The following UBE2E2 variants were observed in gnomAD, a reference collection of about 807,000 sequenced individuals.
UBE2E2 encodes the protein ubiquitin conjugating enzyme E2 E2, also known as ubiquitin-conjugating enzyme E2 E2.
A neutral mutation model predicts 24.7 loss-of-function variants in UBE2E2; 6 were observed. The ratio of observed to expected loss-of-function variants is 0.24; its 90% confidence interval spans 0.13 to 0.48. The LOEUF (loss-of-function observed/expected upper bound fraction) is 0.48, where lower values mean the gene tolerates loss of function less well. Among genes scored for constraint, UBE2E2 ranks in the 20% least tolerant of loss-of-function variants. UBE2E2 has a pLI of 0.99. For synonymous variants in UBE2E2, 104 were observed against 83.6 expected (o/e 1.24, Z -1.33); for missense variants, 169 against 245.0 (o/e 0.69, Z 2.07).
chr3:23,372,802 T>C (rs1281795254), intron 3 of UBE2E2, among the ~76,000 whole-genome samples: 1 of 152,238 alleles, frequency 6.6e-6, no homozygotes, highest in African/African-American at 2.4e-5. Flanking sequence ...AGATATGGAT[T>C]AATTATACAT....
At chr3:23,536,802 G>GT (rs1192024957) in intron 5 of UBE2E2, among the ~76,000 whole-genome samples, 10 of 152,094 alleles carry the variant, frequency 6.6e-5, no homozygotes, top group African/African-American at 2.2e-4. Flanking sequence ...ATACACATGG[G>GT]TGCTCATTAT....
chr3:23,208,768 A>G lies in UBE2E2; in HGVS notation c.69A>G (p.Gln23=), dbSNP rs200848179. 44 of 1,613,872 alleles carry G rather than the reference A, an allele frequency of 2.7e-5. No homozygotes were observed. The Admixed American group carries it at 3.5e-4, about 13-fold the overall frequency. Reference sequence around the variant, plus strand: ...GTGGAGGAAGTTCCGATGGAGATCAACGTGAAAGTGTTCAGCAAGAACCAG... The same window carrying G: ...GTGGAGGAAGTTCCGATGGAGATCAGCGTGAAAGTGTTCAGCAAGAACCAG... ...STSGGSSDGD[Q]RESVQQEPER... Residue 23 remains glutamine (Q), a synonymous_variant, in exon 2 of 6, where the codon CAA becomes CAG. Transcript: ENST00000396703.
At chr3:23,246,837 T>C (rs985110879) in intron 3 of UBE2E2, among the ~76,000 whole-genome samples, 2 of 152,228 alleles carry the variant, frequency 1.3e-5, no homozygotes, top group African/African-American at 2.4e-5. Context: ...ATATAGTAGG[T>C]ATTTGGTTAT....
chr3:23,225,039 A>G (rs1050218595), intron 3 of UBE2E2, among the ~76,000 whole-genome samples: 1 of 150,674 alleles, frequency 6.6e-6, no homozygotes, highest in Non-Finnish European at 1.5e-5. Context: ...CATTATTCTG[A>G]TGGATGATGG....
At chr3:23,323,064 A>G (rs947754761) in intron 3 of UBE2E2, among the ~76,000 whole-genome samples, 8 of 152,072 alleles carry the variant, frequency 5.3e-5, no homozygotes, top group Non-Finnish European at 1.0e-4. Flanking sequence ...TTTTGAATCC[A>G]TGAATTAGGA....
chr3:23,508,925 A>T (rs554599826), intron 4 of UBE2E2, among the ~76,000 whole-genome samples: 1 of 152,306 alleles, frequency 6.6e-6, no homozygotes, highest in African/African-American at 2.4e-5. Flanking sequence ...AAAAGGTTCA[A>T]CTCACTTACC....
intron 2 of UBE2E2, among the ~76,000 whole-genome samples, chr3:23,209,464 G>A (rs1432423296): frequency 6.6e-6 from 1 of 152,170 alleles, no homozygotes; most frequent in Non-Finnish European, 1.5e-5. Context: ...CATGTCACTG[G>A]ACTTAAAGGG....
chr3:23,343,317 T>C (rs35657558), intron 3 of UBE2E2, among the ~76,000 whole-genome samples: 11,106 of 151,974 alleles, frequency 0.073, 519 homozygotes, highest in Non-Finnish European at 0.088. Context: ...GGCTCACGCG[T>C]GTAATCCCAG....
chr3:23,422,676 T>C (rs1408789592), intron 3 of UBE2E2, among the ~76,000 whole-genome samples: 2 of 152,242 alleles, frequency 1.3e-5, no homozygotes, highest in Admixed American at 1.3e-4. Flanking sequence ...TGACTTGTTC[T>C]ATTTCCAGAA....
chr3:23,353,025 G>C (rs1695808756), intron 3 of UBE2E2, among the ~76,000 whole-genome samples: 1 of 152,138 alleles, frequency 6.6e-6, no homozygotes, highest in South Asian at 2.1e-4. Flanking sequence ...ACATCAAAAA[G>C]CTTATCCACC....
At chr3:23,384,493 C>T (rs1323547290) in intron 3 of UBE2E2, among the ~76,000 whole-genome samples, 1 of 151,866 alleles carries the variant, frequency 6.6e-6, no homozygotes, top group Non-Finnish European at 1.5e-5. Context: ...AAGGGAGCAA[C>T]ATTTCTACCC....
intron 3 of UBE2E2, among the ~76,000 whole-genome samples, chr3:23,430,351 C>T (rs1212583995): frequency 6.6e-6 from 1 of 152,112 alleles, no homozygotes; most frequent in Non-Finnish European, 1.5e-5. Context: ...GGTTACTTAA[C>T]CTGTCTTTGC....
At chr3:23,553,118 G>A (rs1695688896) in intron 5 of UBE2E2, among the ~76,000 whole-genome samples, 1 of 151,832 alleles carries the variant, frequency 6.6e-6, no homozygotes, top group Non-Finnish European at 1.5e-5. Context: ...TTTCTCTTTT[G>A]TGTTAATGGT....
chr3:23,307,942 G>C lies in UBE2E2; in HGVS notation c.227+90630G>C, dbSNP rs115708649. Among the ~76,000 whole-genome samples, 1,312 of 152,224 alleles carry C rather than the reference G, an allele frequency of 8.6e-3. 12 individuals are homozygous for C. Among genetic ancestry groups the C allele is most frequent in the Middle Eastern group, 0.027 (8 of 294 alleles). ...ACAAAATCAGTTTGATCTTGAATATGCTTAAATTTTGCACGCTTGTACATT... is the reference window on the plus strand; with the variant it reads ...ACAAAATCAGTTTGATCTTGAATATCCTTAAATTTTGCACGCTTGTACATT... On this transcript the variant is annotated intron_variant, in intron 3 of 5. Transcript: ENST00000396703.
chr3:23,286,435 C>T (rs1698616422), intron 3 of UBE2E2, among the ~76,000 whole-genome samples: 1 of 151,996 alleles, frequency 6.6e-6, no homozygotes, highest in Non-Finnish European at 1.5e-5. Flanking sequence ...GTTCTTGGCA[C>T]CTTTGTCAAA....
At chr3:23,240,491 A>G (rs564399759) in intron 3 of UBE2E2, among the ~76,000 whole-genome samples, 2 of 152,330 alleles carry the variant, frequency 1.3e-5, no homozygotes, top group East Asian at 3.9e-4. Context: ...TTCTTAATAA[A>G]TAGTAACAAC....
chr3:23,571,151 A>ATATTACC (rs1475854641), intron 5 of UBE2E2, among the ~76,000 whole-genome samples: 1 of 151,972 alleles, frequency 6.6e-6, no homozygotes, highest in African/African-American at 2.4e-5. Flanking sequence ...TTTGTTTTTA[A>ATATTACC]TATTACCTAT....
intron 3 of UBE2E2, among the ~76,000 whole-genome samples, chr3:23,443,336 A>G (rs704533): frequency 0.58 from 88,812 of 152,010 alleles, 26,314 homozygotes; most frequent in East Asian, 0.73. Flanking sequence ...ACATAATCCC[A>G]AGAAGTAGAG....
chr3:23,257,823 C>G (rs2125351500), intron 3 of UBE2E2, among the ~76,000 whole-genome samples: 1 of 152,120 alleles, frequency 6.6e-6, no homozygotes. Context: ...TTGCTTTACT[C>G]TCACAATCCT....
Sources: allele counts gnomAD v4.1 joint callset (sites outside exome capture counted in the v4.1 genomes callset), GRCh38; gene constraint gnomAD v4.1.1; transcripts MANE v1.5; gene names NCBI Gene and HGNC (gene_info 2026-07-23, HGNC 2026-07-21).